ZFYVE28: variants seen among roughly 807,000 people sequenced by gnomAD.
ZFYVE28 encodes the protein zinc finger FYVE-type containing 28.
In ZFYVE28, 40 loss-of-function variants were observed where a neutral mutation model predicts 82.1. That is an observed-to-expected ratio of 0.49 (90% confidence interval 0.38 to 0.63). The LOEUF (loss-of-function observed/expected upper bound fraction) is 0.63. Among genes scored for constraint, ZFYVE28 ranks in the 30% least tolerant of loss-of-function variants. The pLI is 0.00. For synonymous variants in ZFYVE28, 612 were observed against 546.1 expected, an observed-to-expected ratio of 1.12 and a Z score of -1.68; for missense variants, 1,321 against 1,242.1, an observed-to-expected ratio of 1.06 and a Z score of -0.96.
intron 2 of ZFYVE28, among the ~76,000 whole-genome samples, chr4:2,352,165 G>A (rs979767439): frequency 1.3e-5 from 2 of 152,176 alleles, no homozygotes; most frequent in Non-Finnish European, 2.9e-5. Context: ...AAACCATGTT[G>A]TTCAATGTCC....
In ZFYVE28 at chr4:2,418,278, C is replaced by T; in HGVS notation, c.39+7G>A. The T allele has an allele frequency of 6.5e-7, 1 of 1,536,098 alleles. No homozygotes were observed. Among genetic ancestry groups the T allele is most frequent in the South Asian group, 1.2e-5 (1 of 82,740 alleles). On this transcript the variant is annotated splice_region_variant and intron_variant, in intron 1 of 12. Transcript: ENST00000290974. The surrounding 1 kb of genome is among the most constrained non-coding windows in gnomAD (Gnocchi z 4.6). The stretch of plus-strand genomic sequence containing the variant: ...GGGGGGCGTCCGGCCCGAGCGGGGC[C>T]GCTCACCTTGGGTTTGTAGAGCCAC...
Position 2,320,356 on chromosome 4 carries a change from A to C in ZFYVE28, c.702-85T>G, listed in dbSNP as rs1578073618. The C allele has an allele frequency of 8.0e-7, 1 of 1,246,064 alleles. No individual in the cohort carries two copies. Among genetic ancestry groups the C allele is most frequent in the Non-Finnish European group, 1.1e-6 (1 of 880,840 alleles). The allele number at this position is 1,246,064 out of a possible 1,614,324, so 77.2% of individuals were successfully genotyped here. A position where few individuals can be genotyped will look rare whatever the true frequency, so the allele number is the denominator to read the frequency against. On this transcript the variant is annotated intron_variant, in intron 6 of 12. Transcript: ENST00000290974. This position sits in a 1 kb window ranked among gnomAD's most constrained non-coding sequence, Gnocchi z 5.1. ...CGGCCCAACTTAACCACCTGCGAAA[A>C]CCACGCCCGCTGGGACTCTGCAGCG...
At chr4:2,370,745 A>G (rs1396307470) in intron 1 of ZFYVE28, among the ~76,000 whole-genome samples, 1 of 152,120 alleles carries the variant, frequency 6.6e-6, no homozygotes, top group Non-Finnish European at 1.5e-5. Context: ...CCATGGGACC[A>G]CCTGCAGTGG....
chr4:2,354,147 C>T, intron 1 of ZFYVE28, 74 bp from the exon 2 acceptor site: 1 of 1,383,440 alleles, frequency 7.2e-7, no homozygotes, highest in Non-Finnish European at 9.5e-7. Context: ...TGCCTTGTCC[C>T]CAGGCCATGT....
At chr4:2,397,848 A>G (rs1560336207) in intron 1 of ZFYVE28, among the ~76,000 whole-genome samples, 1 of 152,278 alleles carries the variant, frequency 6.6e-6, no homozygotes, top group East Asian at 1.9e-4. Context: ...ATTCGGAATG[A>G]CATTGCTGCA....
At chr4:2,370,012 G>A (rs1402034214) in intron 1 of ZFYVE28, among the ~76,000 whole-genome samples, 2 of 151,446 alleles carry the variant, frequency 1.3e-5, no homozygotes, top group Admixed American at 6.6e-5. Context: ...CACCAAGCTC[G>A]ACTAATTTTT....
At chr4:2,400,088 G>T (rs1210333858) in intron 1 of ZFYVE28, among the ~76,000 whole-genome samples, 1 of 152,222 alleles carries the variant, frequency 6.6e-6, no homozygotes, top group Non-Finnish European at 1.5e-5. Flanking sequence ...CTCAGGGCGG[G>T]CACAGAACCC....
intron 8 of ZFYVE28, among the ~76,000 whole-genome samples, chr4:2,303,317 G>T (rs1288623674): frequency 6.6e-6 from 1 of 152,102 alleles, no homozygotes; most frequent in Non-Finnish European, 1.5e-5. Flanking sequence ...CCCAGTGTGA[G>T]GACCCTCTCC....
intron 1 of ZFYVE28, among the ~76,000 whole-genome samples, chr4:2,403,832 G>T (rs1731471994): frequency 6.6e-6 from 1 of 152,120 alleles, no homozygotes; most frequent in Non-Finnish European, 1.5e-5. Flanking sequence ...AGCTGGGTGT[G>T]GTGGTGCACA....
chr4:2,350,693 G>T (rs973106250), intron 2 of ZFYVE28, among the ~76,000 whole-genome samples: 3 of 152,194 alleles, frequency 2.0e-5, no homozygotes, highest in South Asian at 4.1e-4. Flanking sequence ...CCTCCGGGGA[G>T]GGGAGAGGCA....
intron 1 of ZFYVE28, among the ~76,000 whole-genome samples, chr4:2,399,023 C>T (rs1227933580): frequency 7.2e-6 from 1 of 139,812 alleles, no homozygotes; most frequent in Non-Finnish European, 1.5e-5. Context: ...AGATCTAGGG[C>T]ACAAGGTGGG....
Position 2,311,186 on chromosome 4 carries a change from A to G in ZFYVE28, c.804-5650T>C, listed in dbSNP as rs112955342. On this transcript the variant is annotated intron_variant, in intron 7 of 12. Coordinates refer to ENST00000290974, the MANE Select transcript of ZFYVE28 (RefSeq NM_020972.3). ...TTATGTTTTATCTTTTTTCTCTTGA[A>G]CTAGTCCAGCTTGGAATTTATCAAT... Among the ~76,000 whole-genome samples the G allele has an allele frequency of 6.4e-3, 978 of 152,150 alleles. 15 individuals are homozygous for G. Among genetic ancestry groups the G allele is most frequent in the African/African-American group, 0.022 (932 of 41,510 alleles).
intron 8 of ZFYVE28, among the ~76,000 whole-genome samples, chr4:2,283,997 T>C (rs1428678280): frequency 1.3e-5 from 2 of 152,182 alleles, no homozygotes; most frequent in African/African-American, 4.8e-5. Context: ...TGTTGGTCAG[T>C]GCCCCCAGAG....
intron 2 of ZFYVE28, among the ~76,000 whole-genome samples, chr4:2,345,328 G>A (rs964196473): frequency 2.0e-5 from 3 of 152,132 alleles, no homozygotes; most frequent in Non-Finnish European, 4.4e-5. Flanking sequence ...TAAGACGGTT[G>A]TTATAACTGA....
chr4:2,354,799 GC>G (rs34723482), intron 1 of ZFYVE28, among the ~76,000 whole-genome samples: 26,600 of 151,926 alleles, frequency 0.18, 2,540 homozygotes, highest in Middle Eastern at 0.29. Context: ...ATATGAAGTG[GC>G]CCAGAATAAC....
chr4:2,371,213 T>G (rs1021458306), intron 1 of ZFYVE28, among the ~76,000 whole-genome samples: 4 of 152,194 alleles, frequency 2.6e-5, no homozygotes, highest in African/African-American at 9.7e-5. Context: ...CCTGGACACA[T>G]GGACTCAGCC....
At chr4:2,288,866 A>C (rs1713168819) in intron 8 of ZFYVE28, among the ~76,000 whole-genome samples, 1 of 151,564 alleles carries the variant, frequency 6.6e-6, no homozygotes, top group South Asian at 2.1e-4. Context: ...CCTGTGGTCC[A>C]AGCTACTCGG....
chr4:2,352,886 T>C (rs894822715), intron 2 of ZFYVE28, among the ~76,000 whole-genome samples: 2 of 152,210 alleles, frequency 1.3e-5, no homozygotes, highest in Non-Finnish European at 2.9e-5. Context: ...CCCTTCCTCA[T>C]CGGTGGGGCC....
intron 8 of ZFYVE28, among the ~76,000 whole-genome samples, chr4:2,298,422 C>T (rs1041743399): frequency 5.3e-5 from 8 of 152,188 alleles, no homozygotes; most frequent in African/African-American, 1.4e-4. Flanking sequence ...CTCACATCTG[C>T]GTATGGAGCA....
Sources: allele counts gnomAD v4.1 joint callset (sites outside exome capture counted in the v4.1 genomes callset), GRCh38; gene constraint gnomAD v4.1.1; non-coding constraint Gnocchi (gnomAD v3.1); transcripts MANE v1.5; gene names NCBI Gene and HGNC (gene_info 2026-07-23, HGNC 2026-07-21).